The following C6orf118 variants were observed in gnomAD, a reference collection of about 807,000 sequenced individuals.
C6orf118 encodes the protein chromosome 6 open reading frame 118.
A neutral mutation model predicts 50.2 loss-of-function variants in C6orf118; 50 were observed. The observed-to-expected ratio is 1.00, with a 90% CI of 0.79 to 1.26. C6orf118 has a LOEUF of 1.26. C6orf118 is among the 50% of genes most tolerant of loss of function. The pLI is 0.00. For synonymous variants in C6orf118, 239 were observed against 230.9 expected (o/e 1.03, Z -0.32); for missense variants, 641 against 578.7 (o/e 1.11, Z -1.10).
At position 165,301,648 on chromosome 6, in the gene C6orf118, A is replaced by G. The variant is rs551601424; in HGVS notation, c.674T>C (p.Val225Ala). The G allele has an allele frequency of 1.9e-6, 3 of 1,614,132 alleles. No homozygotes were observed. Among genetic ancestry groups the G allele is most frequent in the Admixed American group, 3.3e-5 (2 of 60,020 alleles). Reference sequence around the variant, plus strand: ...CTTCAGGAGATCTTGCTTGGCGAGCACTTCCTTCTGGAAACGCAGGAACAT... The same window carrying G: ...CTTCAGGAGATCTTGCTTGGCGAGCGCTTCCTTCTGGAAACGCAGGAACAT... ...YRMFLRFQKEVLAKQDLLKND... is the reference protein window; with the variant it reads ...YRMFLRFQKEALAKQDLLKND... The change falls in exon 2 of 9, where the codon GTG becomes GCG. Residue 225 changes from valine to alanine, a missense_variant. Val to Ala is a moderately conservative substitution (Grantham distance 64). Coordinates refer to ENST00000230301, the MANE Select transcript of C6orf118 (RefSeq NM_144980.4).
chr6:165,279,948 C>A lies in C6orf118; in HGVS notation c.*109G>T. ...ACATTAATTTTACTAGAGATTAAAG[C>A]TGATGAAATGAAATGTATCTTTATG... On this transcript the variant is annotated 3_prime_UTR_variant, in exon 9 of 9. Transcript: ENST00000230301. The A allele has an allele frequency of 8.9e-7, 1 of 1,121,366 alleles. No homozygotes were observed. The highest frequency in any genetic ancestry group is 1.3e-6 in the Non-Finnish European group (1 of 792,340). The allele number at this position is 1,121,366 out of a possible 1,614,324, so 69.5% of individuals were successfully genotyped here.
Position 165,301,472 on chromosome 6 carries a change from G to T in C6orf118, c.753+97C>A, listed in dbSNP as rs1332434877. ...GAGCTATGCCCCGGAGCTCTGCCCC[G>T]AGAGGTTTGCCCCAGAGCTGTGCCC... On this transcript the variant is annotated intron_variant, in intron 2 of 8. Coordinates refer to ENST00000230301, the MANE Select transcript of C6orf118 (RefSeq NM_144980.4). The T allele has an allele frequency of 5.4e-6, 8 of 1,474,898 alleles. No homozygotes were observed. The Admixed American group carries it at 1.1e-4, about 20-fold the overall frequency. 91.4% of individuals were successfully genotyped at this position (1,474,898 alleles called of 1,614,324 possible).
chr6:165,300,924 G>A (rs1449648197), intron 2 of C6orf118, among the ~76,000 whole-genome samples: 1 of 142,568 alleles, frequency 7.0e-6, no homozygotes, highest in African/African-American at 3.1e-5. Flanking sequence ...CTGTACACAT[G>A]TGCTGCCTGG....
At chr6:165,309,509 T>C (rs184518240) in intron 1 of C6orf118, 53 bp downstream of exon 1, 532 of 1,608,028 alleles carry the variant, frequency 3.3e-4, no homozygotes, top group Admixed American at 2.2e-3. Flanking sequence ...CCCTCCACAA[T>C]TGAACATCAA....
intron 7 of C6orf118, among the ~76,000 whole-genome samples, chr6:165,282,662 CCTGG>C (rs1779768230): frequency 3.2e-5 from 1 of 31,508 alleles, no homozygotes; most frequent in Non-Finnish European, 7.7e-5. Flanking sequence ...TTTTTTTTTT[CCTGG>C]TTGGAAATAG....
In C6orf118 at chr6:165,302,036, C is replaced by T; in HGVS notation, c.286G>A (p.Glu96Lys). 6.2e-7 allele frequency: 1 copy of T among 1,613,646 alleles called. No homozygotes were observed. The highest frequency in any genetic ancestry group is 1.3e-5 in the African/African-American group (1 of 75,042). The change falls in exon 2 of 9, where the codon GAG becomes AAG. Residue 96 changes from glutamate (E) to lysine (K), a missense_variant. Coordinates refer to ENST00000230301, the MANE Select transcript of C6orf118 (RefSeq NM_144980.4). The stretch of plus-strand genomic sequence containing the variant: ...CTCGCCACCTTCCCTGCGGGCGGCT[C>T]TCCCACCTCAGAGGCGCGCTCCCCC... Reference protein sequence around the residue: ...PKGERASEVGEPPAGKVARMK... With the variant: ...PKGERASEVGKPPAGKVARMK...
In C6orf118 at chr6:165,301,877, C is replaced by A; in HGVS notation, c.445G>T (p.Val149Leu). 6.2e-7 allele frequency: 1 copy of A among 1,613,894 alleles called. No individual in the cohort carries two copies. The highest frequency in any genetic ancestry group is 1.1e-5 in the South Asian group (1 of 91,078). Residue 149 changes from valine (V) to leucine (L), a missense_variant, in exon 2 of 9, where the codon GTG (valine) becomes TTG (leucine). Coordinates refer to ENST00000230301, the MANE Select transcript of C6orf118 (RefSeq NM_144980.4). The stretch of plus-strand genomic sequence containing the variant: ...TCCTTCCCCTCTCTGACAGCCTCCA[C>A]TGGAAGGAAATCCTCCTCTGAAGTG... ...SHTSEEDFLPVEAVREGKEEK... is the reference protein window; with the variant it reads ...SHTSEEDFLPLEAVREGKEEK...
chr6:165,298,033 C>A lies in C6orf118; in HGVS notation c.1005G>T (p.Arg335Ser), dbSNP rs1780373773. The A allele has an allele frequency of 6.2e-7, 1 of 1,613,898 alleles. No homozygotes were observed. Among genetic ancestry groups the A allele is most frequent in the Non-Finnish European group, 8.5e-7 (1 of 1,179,948 alleles). ...PVKTADMDLAREELRMLVTAT... is the reference protein window; with the variant it reads ...PVKTADMDLASEELRMLVTAT... ...CTGTCACGAGCATCCTCAGCTCTTC[C>A]CTGGCGAGATCCATGTCCGCCGTCT... Residue 335 changes from arginine (R) to serine (S), a missense_variant, in exon 5 of 9, where the codon AGG (arginine) becomes AGT (serine). By Grantham distance (110) the Arg-to-Ser change is moderately radical. Coordinates refer to ENST00000230301, the MANE Select transcript of C6orf118 (RefSeq NM_144980.4).
intron 1 of C6orf118, among the ~76,000 whole-genome samples, chr6:165,308,236 G>A (rs951661643): frequency 5.9e-5 from 9 of 152,176 alleles, no homozygotes; most frequent in African/African-American, 2.2e-4. Context: ...CAGGTGATGG[G>A]CCTTAAAATA....
At chr6:165,285,841 T>C (rs1231891655) in intron 7 of C6orf118, among the ~76,000 whole-genome samples, 1 of 151,406 alleles carries the variant, frequency 6.6e-6, no homozygotes, top group Non-Finnish European at 1.5e-5. Flanking sequence ...CTCAAATCAA[T>C]ATATAACATC....
In C6orf118 at chr6:165,280,113, T is replaced by A; in HGVS notation, c.1357-3A>T. 6.3e-7 allele frequency: 1 copy of A among 1,591,870 alleles called. No homozygotes were observed. Among genetic ancestry groups the A allele is most frequent in the East Asian group, 2.3e-5 (1 of 44,408 alleles). On this transcript the variant is annotated splice_polypyrimidine_tract_variant and splice_region_variant and intron_variant, in intron 8 of 8. Transcript: ENST00000230301. Reference sequence around the variant, plus strand: ...CCTTGATAAATTTCCAAAGGCCCCTTAAAATACATAAGAAATGAATACCAT... The same window carrying A: ...CCTTGATAAATTTCCAAAGGCCCCTAAAAATACATAAGAAATGAATACCAT...
At position 165,289,821 on chromosome 6, in the gene C6orf118, C is replaced by A. The variant is rs1406288894; in HGVS notation, c.1302+65G>T. 6 of 1,139,924 alleles carry A rather than the reference C, an allele frequency of 5.3e-6. No homozygotes were observed. The African/African-American group carries it at 9.5e-5, about 18-fold the overall frequency. The allele number at this position is 1,139,924 out of a possible 1,614,324, so 70.6% of individuals were successfully genotyped here. On this transcript the variant is annotated intron_variant, in intron 7 of 8. Transcript: ENST00000230301. ...ACCCTATTACCAAATCACATTACTTCATGTGTTTGCCAAGGTCTTCAAGCA... is the reference window on the plus strand; with the variant it reads ...ACCCTATTACCAAATCACATTACTTAATGTGTTTGCCAAGGTCTTCAAGCA...
chr6:165,309,519 A>T (rs751526362), intron 1 of C6orf118, 43 bp downstream of exon 1: 5 of 1,612,940 alleles, frequency 3.1e-6, no homozygotes, highest in Admixed American at 3.3e-5. Flanking sequence ...TTGAACATCA[A>T]GCAAATCTCA....
At chr6:165,307,272 A>G (rs1780772613) in intron 1 of C6orf118, among the ~76,000 whole-genome samples, 1 of 147,430 alleles carries the variant, frequency 6.8e-6, no homozygotes, top group Admixed American at 6.8e-5. Context: ...AATTATTACA[A>G]CTCAGGCTGG....
intron 7 of C6orf118, among the ~76,000 whole-genome samples, chr6:165,285,221 G>T (rs1480910782): frequency 3.3e-5 from 5 of 152,034 alleles, no homozygotes; most frequent in Admixed American, 6.6e-5. Flanking sequence ...ACAAAGAATG[G>T]CATTACATAA....
In C6orf118 at chr6:165,309,577, C is replaced by T. The variant is rs147652862; in HGVS notation, c.10G>A (p.Glu4Lys). The T allele has an allele frequency of 2.3e-4, 379 of 1,614,176 alleles. No individual in the cohort carries two copies. The highest frequency in any genetic ancestry group is 3.0e-4 in the Non-Finnish European group (352 of 1,180,040). The change falls in exon 1 of 9, where the codon GAG (glutamate) becomes AAG (lysine). Residue 4 changes from glutamate to lysine, a missense_variant. Coordinates refer to ENST00000230301, the MANE Select transcript of C6orf118 (RefSeq NM_144980.4). MAE[E>K]REPELYLKWK... ...GGCCACTTACATTCAGGCTCCCGCT[C>T]CTCCGCCATCGCTTCCTTCCCTCCA...
At chr6:165,291,443 T>A (rs940566597) in intron 6 of C6orf118, among the ~76,000 whole-genome samples, 3 of 151,952 alleles carry the variant, frequency 2.0e-5, no homozygotes, top group Non-Finnish European at 2.9e-5. Context: ...GGTTGAGGGG[T>A]AGGAGAGTGA....
chr6:165,281,749 A>G, intron 7 of C6orf118, 56 bp from the exon 8 acceptor site: 1 of 1,103,448 alleles, frequency 9.1e-7, no homozygotes, highest in Non-Finnish European at 1.3e-6. Flanking sequence ...TTTGTTAATT[A>G]TTTTTCTCTA....
At chr6:165,283,665 G>A (rs769600291) in intron 7 of C6orf118, among the ~76,000 whole-genome samples, 13 of 152,150 alleles carry the variant, frequency 8.5e-5, no homozygotes, top group East Asian at 3.9e-4. Flanking sequence ...TGACACCTCC[G>A]GGTGCTAGAG....
Sources: allele counts gnomAD v4.1 joint callset (sites outside exome capture counted in the v4.1 genomes callset), GRCh38; gene constraint gnomAD v4.1.1; transcripts MANE v1.5; gene names NCBI Gene and HGNC (gene_info 2026-07-23, HGNC 2026-07-21).